KAT2B: variants seen among roughly 807,000 people sequenced by gnomAD.
KAT2B encodes lysine acetyltransferase 2B.
Under a neutral mutation model 105.9 loss-of-function variants are expected in KAT2B, and 36 were observed. That is an observed-to-expected ratio of 0.34 (90% confidence interval 0.26 to 0.45). The LOEUF (loss-of-function observed/expected upper bound fraction) is 0.45, where lower values mean the gene tolerates loss of function less well. KAT2B is among the 20% of genes least tolerant of loss of function. The pLI is 1.00. For missense variants in KAT2B, 820 were observed against 1,021.6 expected (o/e 0.80, Z 2.69); for synonymous variants, 397 against 377.9 (o/e 1.05, Z -0.59).
intron 8 of KAT2B, among the ~76,000 whole-genome samples, chr3:20,120,907 T>G (rs1040214873): frequency 1.3e-5 from 2 of 152,104 alleles, no homozygotes; most frequent in Non-Finnish European, 2.9e-5. Flanking sequence ...CCATTCCCTT[T>G]CACTTCCAAG....
intron 1 of KAT2B, among the ~76,000 whole-genome samples, chr3:20,068,975 A>G (rs1050300266): frequency 1.3e-5 from 2 of 152,182 alleles, no homozygotes; most frequent in South Asian, 2.1e-4. Context: ...TTGGCCCACA[A>G]TAAGGGTGGT....
intron 1 of KAT2B, among the ~76,000 whole-genome samples, chr3:20,066,967 G>A (rs745549960): frequency 2.6e-5 from 4 of 152,146 alleles, no homozygotes; most frequent in Admixed American, 6.5e-5. Flanking sequence ...TAAAGACTCC[G>A]TATTCGCTTG....
At chr3:20,123,005 G>A (rs1227469934) in intron 9 of KAT2B, 4 of 937,144 alleles carry the variant, frequency 4.3e-6, no homozygotes, top group Non-Finnish European at 5.1e-6. Flanking sequence ...CACATCACAG[G>A]TCCACTTACT....
intron 1 of KAT2B, among the ~76,000 whole-genome samples, chr3:20,063,810 G>A (rs1337132018): frequency 2.6e-5 from 4 of 151,904 alleles, no homozygotes; most frequent in Non-Finnish European, 5.9e-5. Flanking sequence ...CCAAGTGCTG[G>A]GATTACAGAC....
At chr3:20,086,123 C>G (rs1276153290) in intron 2 of KAT2B, among the ~76,000 whole-genome samples, 1 of 151,646 alleles carries the variant, frequency 6.6e-6, no homozygotes, top group South Asian at 2.1e-4. Context: ...AATACAAAAA[C>G]TAGCTGGGCA....
chr3:20,056,627 T>C (rs2948085), intron 1 of KAT2B, among the ~76,000 whole-genome samples: 129,435 of 152,188 alleles, frequency 0.85, 55,292 homozygotes, highest in East Asian at 0.97. Context: ...AAGAGAAATA[T>C]GGTCAAAGAG....
At chr3:20,086,924 G>A (rs972950911) in intron 2 of KAT2B, among the ~76,000 whole-genome samples, 7 of 148,754 alleles carry the variant, frequency 4.7e-5, no homozygotes, top group Admixed American at 1.3e-4. Context: ...TAGGATTACA[G>A]GCATGTGCCC....
chr3:20,125,003 A>G (rs1471982763), intron 9 of KAT2B, among the ~76,000 whole-genome samples: 3 of 152,146 alleles, frequency 2.0e-5, no homozygotes, highest in African/African-American at 7.2e-5. Flanking sequence ...TGGAAAGAAA[A>G]CTGTTCTTTA....
Position 20,153,621 on chromosome 3 carries a change from T to C in KAT2B, c.*1096T>C, listed in dbSNP as rs1264136048. ...AAAATCCATCATGCAACCTTATTAA[T>C]CTGTCTTGGGATTCCAGTTTAGTGC... On this transcript the variant is annotated 3_prime_UTR_variant, in exon 18 of 18. Coordinates refer to ENST00000263754, the MANE Select transcript of KAT2B (RefSeq NM_003884.5). 1.3e-5 allele frequency: 2 copies of C among 152,578 alleles called. No individual in the cohort carries two copies. The highest frequency in any genetic ancestry group is 2.9e-5 in the Non-Finnish European group (2 of 67,994). The allele number at this position is 152,578 out of a possible 1,614,324, so 9.5% of individuals were successfully genotyped here.
In KAT2B at chr3:20,152,090, C is replaced by T. The variant is rs528675066; in HGVS notation, c.2306-242C>T. Among the ~76,000 whole-genome samples the T allele has an allele frequency of 5.9e-5, 9 of 152,156 alleles. 1 individual carries two copies. The South Asian group carries it at 1.9e-3, about 32-fold the overall frequency. On this transcript the variant is annotated intron_variant, in intron 17 of 17. Transcript: ENST00000263754. ...CTGAATAGGGGATTGAACCAGATGA[C>T]TAATAATGGTCCCTTTAATGCTAAA... is the stretch of plus-strand genomic sequence containing the variant.
chr3:20,088,799 T>C (rs1447924667), intron 2 of KAT2B, among the ~76,000 whole-genome samples: 3 of 152,226 alleles, frequency 2.0e-5, no homozygotes, highest in Non-Finnish European at 4.4e-5. Context: ...TTTGATCATA[T>C]TCAAAAAATC....
At chr3:20,123,730 G>C (rs1699352220) in intron 9 of KAT2B, among the ~76,000 whole-genome samples, 1 of 152,120 alleles carries the variant, frequency 6.6e-6, no homozygotes, top group East Asian at 1.9e-4. Flanking sequence ...CAACTCCCCA[G>C]CCTTGTTTTG....
rs1575160065 is a variant in KAT2B, at chr3:20,144,607, T to TTC, written c.2005-1708_2005-1707insCT. On this transcript the variant is annotated intron_variant, in intron 13 of 17. Coordinates refer to ENST00000263754, the MANE Select transcript of KAT2B (RefSeq NM_003884.5). ...CCCAGCCAGGTTTCTTTTTTCTTTT[T>TTC]TTTTTTTAAGATTTGGACTTATAAT... 2.0e-5 allele frequency among the ~76,000 whole-genome samples: 3 copies of TTC among 150,754 alleles called. No individual in the cohort carries two copies. In the South Asian group the frequency reaches 6.3e-4, roughly 32 times the overall value.
intron 8 of KAT2B, among the ~76,000 whole-genome samples, chr3:20,121,515 G>A (rs1366045105): frequency 1.3e-5 from 2 of 152,162 alleles, no homozygotes; most frequent in African/African-American, 2.4e-5. Flanking sequence ...CTCTCCTATT[G>A]TGTGGAATGG....
At chr3:20,062,788 A>G (rs1698160851) in intron 1 of KAT2B, among the ~76,000 whole-genome samples, 1 of 151,792 alleles carries the variant, frequency 6.6e-6, no homozygotes, top group African/African-American at 2.4e-5. Flanking sequence ...AATGATGTTG[A>G]GCATCTTTTC....
At position 20,101,459 on chromosome 3, in the gene KAT2B, A is replaced by T; in HGVS notation, c.842A>T (p.Asn281Ile). The T allele has an allele frequency of 8.1e-6, 13 of 1,613,558 alleles. No homozygotes were observed. The highest frequency in any genetic ancestry group is 1.1e-5 in the Non-Finnish European group (13 of 1,179,700). The change falls in exon 5 of 18, where the codon AAC (asparagine) becomes ATC (isoleucine). Residue 281 changes from asparagine to isoleucine, a missense_variant. Transcript: ENST00000263754. Reference protein sequence around the residue: ...PNDDISGYKENYTRWLCYCNV... With the variant: ...PNDDISGYKEIYTRWLCYCNV... ...GATGATATTTCTGGATACAAAGAGA[A>T]CTACACAAGGTAATCAGATGCAAGT...
At chr3:20,150,739 C>A (rs1228174397) in intron 17 of KAT2B, among the ~76,000 whole-genome samples, 1 of 152,136 alleles carries the variant, frequency 6.6e-6, no homozygotes, top group East Asian at 1.9e-4. Flanking sequence ...TCAGAAAAGT[C>A]CAGACACCGC....
At chr3:20,053,985 A>G (rs1697960579) in intron 1 of KAT2B, among the ~76,000 whole-genome samples, 2 of 152,062 alleles carry the variant, frequency 1.3e-5, no homozygotes, top group Non-Finnish European at 2.9e-5. Flanking sequence ...TTTAGTAGAG[A>G]TGGGGTCTCG....
Position 20,083,104 on chromosome 3 carries a change from A to T in KAT2B, c.430+10645A>T, listed in dbSNP as rs78283823. The stretch of plus-strand genomic sequence containing the variant: ...TAGTCTCTCACTACTGATACAGTGT[A>T]CATTGATGCACATCTTGATGAGGGA... On this transcript the variant is annotated intron_variant, in intron 2 of 17. Transcript: ENST00000263754. Among the ~76,000 whole-genome samples the T allele has an allele frequency of 8.1e-3, 1,236 of 152,362 alleles. 77 individuals are homozygous for T. In the East Asian group the frequency reaches 0.16, roughly 20 times the overall value.
Sources: allele counts gnomAD v4.1 joint callset (sites outside exome capture counted in the v4.1 genomes callset), GRCh38; gene constraint gnomAD v4.1.1; transcripts MANE v1.5; gene names NCBI Gene and HGNC (gene_info 2026-07-23, HGNC 2026-07-21).